The following COMMD10 variants were observed in gnomAD, a reference collection of about 807,000 sequenced individuals.
COMMD10 encodes COMM domain containing 10, also known as COMM domain-containing protein 10.
In COMMD10, 33 loss-of-function variants were observed where a neutral mutation model predicts 28.9. That is an observed-to-expected ratio of 1.14 (90% confidence interval 0.87 to 1.53). The LOEUF is 1.53. Among genes scored for constraint, COMMD10 ranks in the 40% most tolerant of loss-of-function variants. COMMD10 has a pLI of 0.00. For missense variants in COMMD10, 310 were observed against 233.4 expected (o/e 1.33, Z -2.14); for synonymous variants, 110 against 81.7 (o/e 1.35, Z -1.87).
intron 5 of COMMD10, among the ~76,000 whole-genome samples, chr5:116,158,226 C>T (rs151323452): frequency 0.64 from 6,922 of 10,740 alleles, 3,179 homozygotes; most frequent in Non-Finnish European, 0.75. Context: ...CTCCGTCTCC[C>T]CTCTCTCCGT....
chr5:116,269,000 G>T (rs1750682528), intron 5 of COMMD10, among the ~76,000 whole-genome samples: 1 of 151,642 alleles, frequency 6.6e-6, no homozygotes, highest in Non-Finnish European at 1.5e-5. Context: ...TAATGTAAAT[G>T]ACGAGTTAAT....
intron 5 of COMMD10, among the ~76,000 whole-genome samples, chr5:116,277,745 C>G (rs958260180): frequency 6.6e-5 from 10 of 151,898 alleles, no homozygotes; most frequent in African/African-American, 2.2e-4. Flanking sequence ...TAGGTGCACA[C>G]ATTGGTTCTC....
intron 5 of COMMD10, among the ~76,000 whole-genome samples, chr5:116,266,314 T>G (rs1750582875): frequency 1.3e-5 from 2 of 151,808 alleles, no homozygotes; most frequent in Non-Finnish European, 2.9e-5. Context: ...GGATCCAAAT[T>G]GTAGATTTTT....
intron 5 of COMMD10, among the ~76,000 whole-genome samples, chr5:116,228,123 C>T (rs1295634493): frequency 2.0e-5 from 3 of 151,858 alleles, no homozygotes; most frequent in African/African-American, 7.2e-5. Context: ...TCACTTTGGC[C>T]TCATTCCTGC....
chr5:116,221,459 A>G (rs949630413), intron 5 of COMMD10, among the ~76,000 whole-genome samples: 13 of 152,140 alleles, frequency 8.5e-5, no homozygotes, highest in African/African-American at 2.7e-4. Flanking sequence ...TTGGTCTTGA[A>G]TCTAAACACC....
intron 5 of COMMD10, among the ~76,000 whole-genome samples, chr5:116,194,252 C>G (rs1014553120): frequency 1.3e-5 from 2 of 152,002 alleles, no homozygotes; most frequent in African/African-American, 4.8e-5. Flanking sequence ...CAAGGTCACA[C>G]TTCAAGGAAC....
intron 5 of COMMD10, among the ~76,000 whole-genome samples, chr5:116,168,054 A>T (rs1294433030): frequency 4.6e-5 from 7 of 151,846 alleles, no homozygotes; most frequent in Non-Finnish European, 7.4e-5. Flanking sequence ...GGATAGAGTC[A>T]AGACCCATTG....
At chr5:116,223,074 TATTTTA>T (rs1159905439) in intron 5 of COMMD10, among the ~76,000 whole-genome samples, 4 of 152,228 alleles carry the variant, frequency 2.6e-5, no homozygotes, top group Non-Finnish European at 4.4e-5. Context: ...TAGATTGTGT[TATTTTA>T]ATTTTACTTG....
At chr5:116,283,018 C>A (rs1751115147) in intron 5 of COMMD10, among the ~76,000 whole-genome samples, 1 of 151,936 alleles carries the variant, frequency 6.6e-6, no homozygotes, top group Non-Finnish European at 1.5e-5. Flanking sequence ...AGAGAAGATT[C>A]TGTAGAACCA....
intron 4 of COMMD10, among the ~76,000 whole-genome samples, chr5:116,128,951 G>C (rs991080544): frequency 6.6e-6 from 1 of 151,808 alleles, no homozygotes; most frequent in African/African-American, 2.4e-5. Flanking sequence ...GCCACTTTTT[G>C]ATAATGTTAA....
At chr5:116,205,932 T>G (rs1229540141) in intron 5 of COMMD10, among the ~76,000 whole-genome samples, 1 of 151,984 alleles carries the variant, frequency 6.6e-6, no homozygotes, top group Non-Finnish European at 1.5e-5. Flanking sequence ...TTGAATCATT[T>G]CCACTGATTC....
At chr5:116,176,372 C>T (rs1753511922) in intron 5 of COMMD10, among the ~76,000 whole-genome samples, 1 of 152,174 alleles carries the variant, frequency 6.6e-6, no homozygotes, top group Non-Finnish European at 1.5e-5. Context: ...CGTCGGCCTC[C>T]CAAAGTGTTG....
chr5:116,101,457 T>A (rs1174738302), intron 4 of COMMD10, among the ~76,000 whole-genome samples: 1 of 152,050 alleles, frequency 6.6e-6, no homozygotes, highest in Admixed American at 6.6e-5. Context: ...GACGGAGTCT[T>A]GCTCTGTCAC....
intron 5 of COMMD10, among the ~76,000 whole-genome samples, chr5:116,257,430 C>G (rs1470946087): frequency 1.3e-5 from 2 of 151,540 alleles, no homozygotes; most frequent in African/African-American, 4.9e-5. Context: ...TCCAGATGTT[C>G]CACGATAAAG....
chr5:116,273,150 C>T (rs1010133054), intron 5 of COMMD10, among the ~76,000 whole-genome samples: 1 of 151,732 alleles, frequency 6.6e-6, no homozygotes, highest in African/African-American at 2.4e-5. Flanking sequence ...AATGAATGTC[C>T]TATCCTTCTT....
chr5:116,165,684 CTTA>C (rs1753066523), intron 5 of COMMD10, among the ~76,000 whole-genome samples: 2 of 151,084 alleles, frequency 1.3e-5, no homozygotes, highest in African/African-American at 2.5e-5. Context: ...TCTGGTGTCT[CTTA>C]TTGTTTCTTT....
chr5:116,120,943 T>TTGTATG (rs1300261862), intron 4 of COMMD10, among the ~76,000 whole-genome samples: 2 of 152,232 alleles, frequency 1.3e-5, no homozygotes, highest in East Asian at 1.9e-4. Flanking sequence ...TGTATATGTT[T>TTGTATG]TGTATGTGTA....
chr5:116,228,939 C>A (rs948641909), intron 5 of COMMD10, among the ~76,000 whole-genome samples: 1 of 151,818 alleles, frequency 6.6e-6, no homozygotes, highest in Non-Finnish European at 1.5e-5. Context: ...TGACTCCCAG[C>A]TCAGGATAGT....
intron 5 of COMMD10, among the ~76,000 whole-genome samples, chr5:116,268,530 G>C (rs1484678168): frequency 1.3e-5 from 2 of 151,948 alleles, no homozygotes; most frequent in Non-Finnish European, 2.9e-5. Flanking sequence ...AACCATTGTG[G>C]AAGACAGTGT....
Sources: gnomAD v4.1 joint callset for allele counts (sites outside exome capture counted in the v4.1 genomes callset) on GRCh38, gnomAD v4.1.1 for gene constraint, MANE v1.5 for transcripts, NCBI Gene and HGNC (gene_info 2026-07-23, HGNC 2026-07-21) for gene names.